Variants in PTPN11 observed in about 807,000 individuals in gnomAD.
PTPN11 encodes protein tyrosine phosphatase non-receptor type 11.
A neutral mutation model predicts 78.8 loss-of-function variants in PTPN11; 6 were observed. That is an observed-to-expected ratio of 0.08 (90% CI 0.04 to 0.15). The LOEUF is 0.15. PTPN11 is among the 10% of genes least tolerant of loss of function. The pLI is 1.00. For missense variants in PTPN11, 386 were observed against 744.8 expected (o/e 0.52, Z 5.61); for synonymous variants, 221 against 263.5 (o/e 0.84, Z 1.56).
rs1311177095 is a variant in PTPN11 at position 112,507,052 on chromosome 12, G to C, written c.*1260G>C. 1.1e-5 allele frequency: 2 copies of C among 176,458 alleles called. No individual in the cohort carries two copies. The highest frequency in any genetic ancestry group is 2.4e-5 in the Non-Finnish European group (2 of 83,210). The allele number at this position is 176,458 out of a possible 1,614,324, so 10.9% of individuals were successfully genotyped here. ...CCTCTACTTACTAAACAAGTCACAA[G>C]CCCAGCTCAGATTCAAGAAAAGGGT... is the stretch of plus-strand genomic sequence containing the variant. On this transcript the variant is annotated 3_prime_UTR_variant, in exon 16 of 16. Coordinates refer to ENST00000351677, the MANE Select transcript of PTPN11 (RefSeq NM_002834.5).
chr12:112,489,200 G>A (rs752433302), intron 13 of PTPN11, 25 bp downstream of exon 13: 61 of 1,613,658 alleles, frequency 3.8e-5, no homozygotes, highest in East Asian at 1.6e-4. Flanking sequence ...GCTGGCATGC[G>A]GATTCTCATT....
intron 6 of PTPN11, among the ~76,000 whole-genome samples, chr12:112,466,750 AGGTTGGTCT>A: frequency 6.6e-6 from 1 of 152,338 alleles, no homozygotes; most frequent in Admixed American, 6.5e-5. Flanking sequence ...GTAACTATAC[AGGTTGGTCT>A]GGCCGTAATG....
chr12:112,432,084 G>A (rs553254087), intron 1 of PTPN11, among the ~76,000 whole-genome samples: 1 of 152,266 alleles, frequency 6.6e-6, no homozygotes, highest in East Asian at 1.9e-4. Context: ...GGAAACACAA[G>A]TGGTCTGAAA....
rs767864994 is a variant in PTPN11, at chr12:112,486,667, C to T, written c.1379+38C>T. The T allele has an allele frequency of 2.5e-6, 4 of 1,610,008 alleles. No individual in the cohort carries two copies. The South Asian group carries it at 4.4e-5, about 18-fold the overall frequency. On this transcript the variant is annotated intron_variant, in intron 11 of 15. Coordinates refer to ENST00000351677, the MANE Select transcript of PTPN11 (RefSeq NM_002834.5). ...GCTGCCCCTCTAGGCCACAGCCTGTCCCTGTCTCCTAGCGCCCAGGGCTTG... is the reference window on the plus strand; with the variant it reads ...GCTGCCCCTCTAGGCCACAGCCTGTTCCTGTCTCCTAGCGCCCAGGGCTTG...
intron 1 of PTPN11, among the ~76,000 whole-genome samples, chr12:112,424,291 C>T (rs1364023237): frequency 2.6e-5 from 4 of 152,124 alleles, no homozygotes; most frequent in Middle Eastern, 3.4e-3. Context: ...AGCTGTGAGG[C>T]TGGGAAGGTG....
At chr12:112,423,780 T>C (rs1380416507) in intron 1 of PTPN11, among the ~76,000 whole-genome samples, 1 of 142,086 alleles carries the variant, frequency 7.0e-6, no homozygotes, top group Admixed American at 7.2e-5. Context: ...GGTCTTACCC[T>C]GTTGCCCAGG....
At chr12:112,454,531 CAAAT>C (rs2038124316) in intron 4 of PTPN11, 29 bp from the exon 5 acceptor site, 1 of 1,494,162 alleles carries the variant, frequency 6.7e-7, no homozygotes, top group Non-Finnish European at 9.3e-7. Flanking sequence ...ATAAAGGTAA[CAAAT>C]AATAAATGTC....
At chr12:112,461,110 A>G (rs1041045226) in intron 6 of PTPN11, among the ~76,000 whole-genome samples, 1 of 152,070 alleles carries the variant, frequency 6.6e-6, no homozygotes. Flanking sequence ...GATAGCATGT[A>G]TGGTGGTGTA....
chr12:112,486,363 C>A (rs954862332), intron 10 of PTPN11, 112 bp from the exon 11 acceptor site: 2 of 1,143,714 alleles, frequency 1.7e-6, no homozygotes, highest in East Asian at 2.4e-5. Context: ...TTCAGTGGAA[C>A]CTGGGGAGAT....
chr12:112,432,586 T>A (rs1321045932), intron 1 of PTPN11, among the ~76,000 whole-genome samples: 6 of 151,488 alleles, frequency 4.0e-5, no homozygotes, highest in Admixed American at 4.0e-4. Flanking sequence ...GGAGAATCGC[T>A]TGAACCCGGA....
At chr12:112,495,210 A>G (rs1317270204) in intron 13 of PTPN11, among the ~76,000 whole-genome samples, 7 of 152,156 alleles carry the variant, frequency 4.6e-5, no homozygotes, top group South Asian at 2.1e-4. Context: ...TATTAACTAA[A>G]CTAGAGTTTA....
intron 6 of PTPN11, among the ~76,000 whole-genome samples, chr12:112,468,286 G>C (rs137894611): frequency 1.3e-5 from 2 of 152,300 alleles, no homozygotes; most frequent in Non-Finnish European, 2.9e-5. Flanking sequence ...GAGGGAGGTT[G>C]TGGAAGATAA....
chr12:112,426,011 A>G (rs1412329290), intron 1 of PTPN11, among the ~76,000 whole-genome samples: 1 of 152,184 alleles, frequency 6.6e-6, no homozygotes, highest in African/African-American at 2.4e-5. Context: ...CTTTCTCAGT[A>G]TAGCAGCCTT....
intron 7 of PTPN11, among the ~76,000 whole-genome samples, chr12:112,475,181 A>T (rs1374875098): frequency 2.0e-5 from 3 of 152,162 alleles, no homozygotes. Flanking sequence ...CAAGGTTATA[A>T]GTGAAGGGGA....
chr12:112,447,901 A>C (rs2038020034), intron 2 of PTPN11, among the ~76,000 whole-genome samples: 1 of 150,064 alleles, frequency 6.7e-6, no homozygotes, highest in Non-Finnish European at 1.5e-5. Flanking sequence ...TCCTGAGTTC[A>C]AGCAGTTCTC....
chr12:112,422,242 C>T lies in PTPN11; in HGVS notation c.14+3117C>T, dbSNP rs541250034. Among the ~76,000 whole-genome samples the T allele has an allele frequency of 3.3e-5, 5 of 152,210 alleles. No individual in the cohort carries two copies. The South Asian group carries it at 8.3e-4, about 25-fold the overall frequency. On this transcript the variant is annotated intron_variant, in intron 1 of 15. Transcript: ENST00000351677. Reference sequence around the variant, plus strand: ...TTATCAAAATAACTCCTCTTGGGTTCGGCTTTTATATGCATCCAGTAATTA... The same window carrying T: ...TTATCAAAATAACTCCTCTTGGGTTTGGCTTTTATATGCATCCAGTAATTA...
At position 112,486,532 on chromosome 12, in the gene PTPN11, G is replaced by A. The variant is rs397507536; in HGVS notation, c.1282G>A (p.Val428Met). The A allele has an allele frequency of 1.1e-5, 17 of 1,614,090 alleles. No homozygotes were observed. The highest frequency in any genetic ancestry group is 2.7e-5 in the African/African-American group (2 of 74,938). Reference protein sequence around the residue: ...YHFRTWPDHGVPSDPGGVLDF... With the variant: ...YHFRTWPDHGMPSDPGGVLDF... The stretch of plus-strand genomic sequence containing the variant: ...CTTTCGGACCTGGCCGGACCACGGC[G>A]TGCCCAGCGACCCTGGGGGCGTGCT... The change falls in exon 11 of 16, where the codon GTG becomes ATG. Residue 428 changes from valine to methionine, a missense_variant. This residue lies in a region of PTPN11 where 63 missense variants were observed against 182.2 expected (regional missense o/e 0.35). Coordinates refer to ENST00000351677, the MANE Select transcript of PTPN11 (RefSeq NM_002834.5).
At chr12:112,485,984 A>G (rs940193117) in intron 10 of PTPN11, among the ~76,000 whole-genome samples, 2 of 124,866 alleles carry the variant, frequency 1.6e-5, no homozygotes, top group African/African-American at 7.9e-5. Context: ...CTGTCTTGGA[A>G]AAAAAAAAAA....
chr12:112,469,487 A>G (rs887150512), intron 6 of PTPN11, among the ~76,000 whole-genome samples: 1 of 152,030 alleles, frequency 6.6e-6, no homozygotes, highest in African/African-American at 2.4e-5. Context: ...AATTTTTAAA[A>G]TTTGTGCAAG....
Sources: gnomAD v4.1 joint callset for allele counts (sites outside exome capture counted in the v4.1 genomes callset) on GRCh38, gnomAD v4.1.1 for gene constraint, gnomAD v4.1.1 regional missense constraint, MANE v1.5 for transcripts, NCBI Gene and HGNC (gene_info 2026-07-23, HGNC 2026-07-21) for gene names.